Variants in NXPE4 observed in about 807,000 individuals in gnomAD.
NXPE4 encodes NXPE family member 4.
Under a neutral mutation model 33.3 loss-of-function variants are expected in NXPE4, and 42 were observed. The observed-to-expected ratio is 1.26, with a 90% CI of 0.98 to 1.63. NXPE4 has a LOEUF of 1.63. NXPE4 is among the 40% of genes most tolerant of loss of function. The probability of loss-of-function intolerance (pLI) is 0.00; values close to 1 mark genes in which losing one functional copy is unlikely to be tolerated. For missense variants in NXPE4, 709 were observed against 647.6 expected (o/e 1.09, Z -1.03); for synonymous variants, 253 against 234.9 (o/e 1.08, Z -0.71).
chr11:114,659,508 T>A, the NXPE4 span, among the ~76,000 whole-genome samples: 1 of 145,478 alleles, frequency 6.9e-6, no homozygotes, highest in African/African-American at 2.5e-5. Flanking sequence ...TAATATCAAG[T>A]GGTCTAACAA....
At chr11:114,611,698 G>T in the NXPE4 span, among the ~76,000 whole-genome samples, 1 of 151,734 alleles carries the variant, frequency 6.6e-6, no homozygotes, top group South Asian at 2.1e-4. Flanking sequence ...CTGTTACCCG[G>T]TGGATAGTTA....
chr11:114,675,921 A>G, the NXPE4 span, among the ~76,000 whole-genome samples: 1 of 152,008 alleles, frequency 6.6e-6, no homozygotes, highest in African/African-American at 2.4e-5. Flanking sequence ...ATGGAACCAA[A>G]TAGAGACCCC....
intron 4 of NXPE4, among the ~76,000 whole-genome samples, 167 bp from the exon 5 acceptor site, chr11:114,580,505 A>G (rs1195940623): frequency 1.3e-5 from 2 of 152,166 alleles, no homozygotes; most frequent in Non-Finnish European, 2.9e-5. Context: ...TTTTTTTAAT[A>G]AAAATTTTTC....
Position 114,582,750 on chromosome 11 carries a change from A to T in NXPE4, c.368T>A (p.Val123Glu), listed in dbSNP as rs775188738. The change falls in exon 3 of 6, where the codon GTG (valine) becomes GAG (glutamate). Residue 123 changes from valine (V) to glutamate (E), a missense_variant. By Grantham distance (121) the Val-to-Glu change is moderately radical. Coordinates refer to ENST00000375478, the MANE Select transcript of NXPE4 (RefSeq NM_001077639.2). Reference sequence around the variant, plus strand: ...CTTCCTGCGTCCCAAGTGGTCCCTCACCTCCAGCAGGATGTGCAGCTGGTC... The same window carrying T: ...CTTCCTGCGTCCCAAGTGGTCCCTCTCCTCCAGCAGGATGTGCAGCTGGTC... ...RGDQLHILLE[V>E]RDHLGRRKQY... The T allele has an allele frequency of 5.0e-6, 8 of 1,613,752 alleles. No homozygotes were observed. Among genetic ancestry groups the T allele is most frequent in the Non-Finnish European group, 6.8e-6 (8 of 1,179,942 alleles).
At chr11:114,605,495 TAA>T in the NXPE4 span, among the ~76,000 whole-genome samples, 46 of 151,646 alleles carry the variant, frequency 3.0e-4, 1 homozygote, top group African/African-American at 1.1e-3. Flanking sequence ...CGGTGGATAA[TAA>T]GTGTTGCCCC....
chr11:114,619,049 A>T, the NXPE4 span, among the ~76,000 whole-genome samples: 1 of 151,880 alleles, frequency 6.6e-6, no homozygotes. Context: ...CTCATGGGTA[A>T]CCACTGTTAC....
chr11:114,589,349 G>T (rs1319978840), intron 2 of NXPE4, among the ~76,000 whole-genome samples: 1 of 152,018 alleles, frequency 6.6e-6, no homozygotes, highest in African/African-American at 2.4e-5. Flanking sequence ...AGGAAGGAAG[G>T]TGGACCTCCT....
the NXPE4 span, among the ~76,000 whole-genome samples, chr11:114,644,143 A>AGGAGATTTTGGGCTGAGATGAT: frequency 6.6e-6 from 1 of 152,176 alleles, no homozygotes; most frequent in African/African-American, 2.4e-5. Flanking sequence ...TATCAGCTTA[A>AGGAGATTTTGGGCTGAGATGAT]GGAGATTTTG....
chr11:114,622,376 GATA>G, the NXPE4 span, among the ~76,000 whole-genome samples: 1 of 151,894 alleles, frequency 6.6e-6, no homozygotes, highest in East Asian at 1.9e-4. Context: ...TTACCAAGTG[GATA>G]ATAAGTATTT....
the NXPE4 span, among the ~76,000 whole-genome samples, chr11:114,639,452 C>G: frequency 6.6e-6 from 1 of 151,654 alleles, no homozygotes; most frequent in Non-Finnish European, 1.5e-5. Context: ...TGCTTCGGCT[C>G]ATGCACGCTG....
At chr11:114,650,651 G>C in the NXPE4 span, among the ~76,000 whole-genome samples, 5 of 152,070 alleles carry the variant, frequency 3.3e-5, no homozygotes, top group Admixed American at 6.6e-5. Flanking sequence ...AGCTGTCTTG[G>C]ACCCAGGATA....
At chr11:114,657,481 T>C in the NXPE4 span, among the ~76,000 whole-genome samples, 2 of 152,232 alleles carry the variant, frequency 1.3e-5, no homozygotes, top group Admixed American at 1.3e-4. Flanking sequence ...CATATCATGC[T>C]ACAATTTTTG....
chr11:114,607,684 G>A, the NXPE4 span, among the ~76,000 whole-genome samples: 2 of 151,764 alleles, frequency 1.3e-5, no homozygotes, highest in East Asian at 2.0e-4. Context: ...GTTGAGTTGC[G>A]GGTAACCACT....
chr11:114,630,209 C>T, the NXPE4 span, among the ~76,000 whole-genome samples: 4 of 151,698 alleles, frequency 2.6e-5, no homozygotes, highest in South Asian at 4.1e-4. Context: ...GAGCCCTCAT[C>T]GCCAAGTCAA....
At chr11:114,639,858 ATTATATT>A in the NXPE4 span, among the ~76,000 whole-genome samples, 882 of 75,566 alleles carry the variant, frequency 0.012, 12 homozygotes, top group Admixed American at 0.016. Context: ...TATAATATAT[ATTATATT>A]TTATATTAAA....
the NXPE4 span, among the ~76,000 whole-genome samples, chr11:114,636,821 T>A: frequency 6.6e-6 from 1 of 152,276 alleles, no homozygotes; most frequent in East Asian, 1.9e-4. Context: ...CACTGTGGTC[T>A]GAGAGACAGT....
the NXPE4 span, among the ~76,000 whole-genome samples, chr11:114,640,182 TTA>T: frequency 2.2e-5 from 3 of 135,452 alleles, no homozygotes; most frequent in Non-Finnish European, 4.6e-5. Context: ...AATTTATATA[TTA>T]TATATAATTT....
At chr11:114,580,099 G>C (rs759495624) in intron 5 of NXPE4, 33 bp downstream of exon 5, 3 of 1,528,740 alleles carry the variant, frequency 2.0e-6, no homozygotes, top group Non-Finnish European at 2.7e-6. Context: ...GTTTCTGAAA[G>C]GGGTAAGAAT....
At chr11:114,616,964 GGT>G in the NXPE4 span, among the ~76,000 whole-genome samples, 1 of 145,828 alleles carries the variant, frequency 6.9e-6, no homozygotes, top group East Asian at 2.0e-4. Flanking sequence ...ACTCTTACCC[GGT>G]TTATTATTAG....
Sources: gnomAD v4.1 joint callset for allele counts (sites outside exome capture counted in the v4.1 genomes callset) on GRCh38, gnomAD v4.1.1 for gene constraint, MANE v1.5 for transcripts, NCBI Gene and HGNC (gene_info 2026-07-23, HGNC 2026-07-21) for gene names.